The following ITFG1 variants were observed in gnomAD, a reference collection of about 807,000 sequenced individuals.
ITFG1 encodes integrin alpha FG-GAP repeat containing 1, also known as T-cell immunomodulatory protein.
A neutral mutation model predicts 81.8 loss-of-function variants in ITFG1; 34 were observed. The observed-to-expected ratio is 0.42, with a 90% CI of 0.32 to 0.55. The LOEUF is 0.55. ITFG1 is among the 20% of genes least tolerant of loss of function. The probability of loss-of-function intolerance (pLI) is 0.17; values close to 1 mark genes in which losing one functional copy is unlikely to be tolerated. For synonymous variants in ITFG1, 285 were observed against 270.6 expected, an observed-to-expected ratio of 1.05 and a Z score of -0.52; for missense variants, 672 against 755.4, an observed-to-expected ratio of 0.89 and a Z score of 1.29.
intron 13 of ITFG1, among the ~76,000 whole-genome samples, chr16:47,229,069 G>A (rs1965787515): frequency 6.6e-6 from 1 of 152,178 alleles, no homozygotes; most frequent in African/African-American, 2.4e-5. Flanking sequence ...TATTTGTCAT[G>A]TAACTATGTG....
chr16:47,408,037 T>G (rs34535698), intron 6 of ITFG1, among the ~76,000 whole-genome samples: 55,207 of 152,070 alleles, frequency 0.36, 11,875 homozygotes, highest in East Asian at 0.75. Context: ...GAAATTCCAC[T>G]GCATTTTAAA....
intron 10 of ITFG1, among the ~76,000 whole-genome samples, chr16:47,305,190 C>T (rs1327415588): frequency 6.6e-6 from 1 of 152,154 alleles, no homozygotes; most frequent in Non-Finnish European, 1.5e-5. Flanking sequence ...ACTACTCTCT[C>T]TCTGTAATTA....
chr16:47,309,159 C>T (rs1967218079), intron 10 of ITFG1, among the ~76,000 whole-genome samples: 1 of 151,004 alleles, frequency 6.6e-6, no homozygotes, highest in South Asian at 2.1e-4. Flanking sequence ...ACCTCTGCCT[C>T]CTGGGTTCAA....
rs538413424 is a variant in ITFG1 at position 47,351,129 on chromosome 16, C to T, written c.802+14659G>A. ...ATACTGAATGGACAAAAACTGGAAG[C>T]ATTCCCTTTGAAAACTGGCACAAGA... On this transcript the variant is annotated intron_variant, in intron 8 of 17. Transcript: ENST00000320640. Among the ~76,000 whole-genome samples the T allele has an allele frequency of 2.6e-5, 4 of 152,298 alleles. No individual in the cohort carries two copies. The East Asian group carries it at 7.7e-4, about 29-fold the overall frequency.
chr16:47,315,869 CA>C (rs1163555137), intron 8 of ITFG1, among the ~76,000 whole-genome samples: 1 of 151,894 alleles, frequency 6.6e-6, no homozygotes. Context: ...CAGCTCATTG[CA>C]ACCTCCCACT....
chr16:47,381,762 T>C lies in ITFG1; in HGVS notation c.656-5822A>G, dbSNP rs189852850. Among the ~76,000 whole-genome samples, 233 of 152,340 alleles carry C rather than the reference T, an allele frequency of 1.5e-3. 2 individuals carry two copies. Among genetic ancestry groups the C allele is most frequent in the African/African-American group, 5.4e-3 (224 of 41,588 alleles). ...ATTAAAAAGTATACTGAAGGCCATA[T>C]GACTTCTGAAATCACTAAGACAAAC... On this transcript the variant is annotated intron_variant, in intron 6 of 17. Transcript: ENST00000320640.
intron 10 of ITFG1, among the ~76,000 whole-genome samples, chr16:47,304,560 A>G (rs1046640784): frequency 6.6e-6 from 1 of 152,180 alleles, no homozygotes; most frequent in African/African-American, 2.4e-5. Context: ...AATTCCTTTG[A>G]GCATAAATGT....
At chr16:47,296,852 G>A (rs1438360563) in intron 10 of ITFG1, among the ~76,000 whole-genome samples, 2 of 152,156 alleles carry the variant, frequency 1.3e-5, no homozygotes, top group Non-Finnish European at 2.9e-5. Flanking sequence ...CTTGCTTTGT[G>A]GTAACATATG....
intron 14 of ITFG1, among the ~76,000 whole-genome samples, chr16:47,189,530 G>A (rs971053834): frequency 6.6e-6 from 1 of 152,100 alleles, no homozygotes; most frequent in African/African-American, 2.4e-5. Context: ...ATTGTTGCAC[G>A]TTTCATGTTT....
chr16:47,193,304 C>T (rs984691399), intron 14 of ITFG1, among the ~76,000 whole-genome samples: 2 of 149,978 alleles, frequency 1.3e-5, no homozygotes, highest in Non-Finnish European at 3.0e-5. Flanking sequence ...TCTTATCTAT[C>T]CTTTACATTT....
chr16:47,373,322 G>A (rs932499886), intron 7 of ITFG1, among the ~76,000 whole-genome samples: 4 of 151,190 alleles, frequency 2.6e-5, no homozygotes, highest in Non-Finnish European at 4.4e-5. Context: ...TGCTCTTGTC[G>A]CCCAGGCTGG....
At chr16:47,207,464 A>G (rs556014180) in intron 14 of ITFG1, among the ~76,000 whole-genome samples, 2 of 152,350 alleles carry the variant, frequency 1.3e-5, no homozygotes, top group African/African-American at 4.8e-5. Flanking sequence ...GATGAAGTAC[A>G]GAAGGGGAAT....
chr16:47,162,195 T>C (rs183859009), intron 15 of ITFG1, among the ~76,000 whole-genome samples: 53 of 151,928 alleles, frequency 3.5e-4, no homozygotes, highest in African/African-American at 1.0e-3. Flanking sequence ...TTACATATTA[T>C]ATAAATAATA....
intron 13 of ITFG1, 98 bp downstream of exon 13, chr16:47,237,867 A>C: frequency 1.6e-6 from 1 of 637,110 alleles, no homozygotes; most frequent in Non-Finnish European, 2.8e-6. Context: ...CTGCCAGATA[A>C]TAATGATATT....
intron 13 of ITFG1, among the ~76,000 whole-genome samples, chr16:47,224,119 C>T (rs1411704643): frequency 3.3e-5 from 5 of 151,614 alleles, no homozygotes; most frequent in Non-Finnish European, 5.9e-5. Context: ...TGCTGGATGA[C>T]GAGTTAGTGG....
intron 10 of ITFG1, among the ~76,000 whole-genome samples, chr16:47,284,103 T>C (rs1966861356): frequency 6.6e-6 from 1 of 152,172 alleles, no homozygotes; most frequent in Non-Finnish European, 1.5e-5. Context: ...AGGTGATGGC[T>C]TAGAAGTGTG....
chr16:47,376,964 CAAAAAAAAAAAA>C (rs1222007051), intron 6 of ITFG1, among the ~76,000 whole-genome samples: 3 of 18,076 alleles, frequency 1.7e-4, no homozygotes, highest in African/African-American at 2.5e-4. Context: ...TCTGTCTCCC[CAAAAAAAAAAAA>C]AAAAAAAAAA....
At chr16:47,382,016 GATC>G (rs1968402171) in intron 6 of ITFG1, among the ~76,000 whole-genome samples, 1 of 152,218 alleles carries the variant, frequency 6.6e-6, no homozygotes, top group South Asian at 2.1e-4. Flanking sequence ...AAGCAAAAGA[GATC>G]ATCACTGACC....
At chr16:47,289,133 T>C (rs778335929) in intron 10 of ITFG1, among the ~76,000 whole-genome samples, 1 of 152,220 alleles carries the variant, frequency 6.6e-6, no homozygotes, top group Non-Finnish European at 1.5e-5. Context: ...TCTTTCATTT[T>C]GTTAATGTGG....
Sources: gnomAD v4.1 joint callset for allele counts (sites outside exome capture counted in the v4.1 genomes callset) on GRCh38, gnomAD v4.1.1 for gene constraint, MANE v1.5 for transcripts, NCBI Gene and HGNC (gene_info 2026-07-23, HGNC 2026-07-21) for gene names.